Variants in SPTBN1 observed in about 807,000 individuals in gnomAD.
SPTBN1 encodes spectrin beta chain, non-erythrocytic 1.
Under a neutral mutation model 266.4 loss-of-function variants are expected in SPTBN1, and 32 were observed. That is an observed-to-expected ratio of 0.12 (90% CI 0.09 to 0.16). SPTBN1 has a LOEUF of 0.16. Ranked by LOEUF, SPTBN1 falls within the 10% of genes least tolerant of loss-of-function variation. The probability of loss-of-function intolerance (pLI) is 1.00; values close to 1 mark genes in which losing one functional copy is unlikely to be tolerated. For missense variants in SPTBN1, 2,296 were observed against 3,067.1 expected, an observed-to-expected ratio of 0.75 and a Z score of 5.94; for synonymous variants, 1,336 against 1,162.2, an observed-to-expected ratio of 1.15 and a Z score of -3.04.
chr2:54,664,544 C>G lies in SPTBN1; in HGVS notation c.6512C>G (p.Thr2171Ser). The change falls in exon 33 of 36, where the codon ACC (threonine) becomes AGC (serine). Residue 2171 changes from threonine (T) to serine (S), a missense_variant. This residue lies in a region of SPTBN1 where 347 missense variants were observed against 368.5 expected (regional missense o/e 0.94). Coordinates refer to ENST00000356805, the MANE Select transcript of SPTBN1 (RefSeq NM_003128.3). The surrounding 1 kb of genome is among the most constrained non-coding windows in gnomAD (Gnocchi z 5.6). ...SKESSPIPSP[T>S]SDRKAKTALP... ...GAGTCCAGCCCCATCCCCTCCCCGACCTCTGATCGTAAAGCCAAGACTGCC... is the reference window on the plus strand; with the variant it reads ...GAGTCCAGCCCCATCCCCTCCCCGAGCTCTGATCGTAAAGCCAAGACTGCC... 6.2e-7 allele frequency: 1 copy of G among 1,614,174 alleles called. No individual in the cohort carries two copies. Among genetic ancestry groups the G allele is most frequent in the South Asian group, 1.1e-5 (1 of 91,074 alleles).
chr2:54,622,036 T>G (rs1488838053), intron 8 of SPTBN1, among the ~76,000 whole-genome samples: 1 of 152,192 alleles, frequency 6.6e-6, no homozygotes, highest in East Asian at 1.9e-4. Context: ...ATTCAGAATC[T>G]CTTTGCTTGG....
intron 7 of SPTBN1, among the ~76,000 whole-genome samples, chr2:54,619,837 G>C (rs1426299311): frequency 1.3e-5 from 2 of 152,170 alleles, no homozygotes; most frequent in East Asian, 3.8e-4. Flanking sequence ...GGCTGCCTTA[G>C]TGACCCTGGG....
chr2:54,602,415 A>G (rs542569259), intron 3 of SPTBN1, among the ~76,000 whole-genome samples: 16 of 152,254 alleles, frequency 1.1e-4, no homozygotes, highest in African/African-American at 3.4e-4. Context: ...CTGCACTTCA[A>G]TGGTAATGTT....
At chr2:54,557,509 G>A (rs1000363711) in intron 2 of SPTBN1, among the ~76,000 whole-genome samples, 1 of 152,158 alleles carries the variant, frequency 6.6e-6, no homozygotes, top group African/African-American at 2.4e-5. Context: ...AGATTGGTGG[G>A]AGAAGAAGCT....
chr2:54,526,320 G>A (rs1670812542), intron 1 of SPTBN1, 52 bp from the exon 2 acceptor site: 8 of 1,450,488 alleles, frequency 5.5e-6, no homozygotes. Context: ...TGGTTCCGTG[G>A]GGACTGTATA....
intron 2 of SPTBN1, among the ~76,000 whole-genome samples, chr2:54,579,817 T>C (rs1013176230): frequency 2.0e-5 from 3 of 152,114 alleles, no homozygotes; most frequent in African/African-American, 4.8e-5. Context: ...GAAAGTATAG[T>C]GAGAGAGAGA....
chr2:54,553,066 G>C (rs61126015), intron 2 of SPTBN1, among the ~76,000 whole-genome samples: 1 of 152,148 alleles, frequency 6.6e-6, no homozygotes, highest in South Asian at 2.1e-4. Flanking sequence ...TGTTCTTTTG[G>C]GGGGAAAAGG....
At chr2:54,524,490 C>T (rs1216033637) in intron 1 of SPTBN1, among the ~76,000 whole-genome samples, 1 of 152,146 alleles carries the variant, frequency 6.6e-6, no homozygotes, top group African/African-American at 2.4e-5. Context: ...CTCCAAAGCA[C>T]ATCCACCTCT....
chr2:54,514,191 C>T (rs1669996521), intron 1 of SPTBN1, among the ~76,000 whole-genome samples: 1 of 151,962 alleles, frequency 6.6e-6, no homozygotes, highest in African/African-American at 2.4e-5. Context: ...TGTCTCATAC[C>T]GTTTTTTGTT....
chr2:54,615,349 G>A (rs1558430481), intron 4 of SPTBN1, among the ~76,000 whole-genome samples: 3 of 152,108 alleles, frequency 2.0e-5, no homozygotes, highest in Non-Finnish European at 4.4e-5. Flanking sequence ...GCAATGGATG[G>A]ACTCCTGGCC....
At chr2:54,627,882 C>A (rs1678460477) in intron 12 of SPTBN1, among the ~76,000 whole-genome samples, 1 of 150,296 alleles carries the variant, frequency 6.7e-6, no homozygotes, top group Non-Finnish European at 1.5e-5. Context: ...TTTGGTGATC[C>A]TTAGTTTGTG....
At chr2:54,497,413 C>T (rs375806832) in intron 1 of SPTBN1, among the ~76,000 whole-genome samples, 4 of 152,030 alleles carry the variant, frequency 2.6e-5, no homozygotes, top group Non-Finnish European at 5.9e-5. Context: ...TTTCTTCCTT[C>T]TTCCTTTGAG....
Position 54,515,415 on chromosome 2 carries a change from G to A in SPTBN1, c.-47-10957G>A, listed in dbSNP as rs191505012. Among the ~76,000 whole-genome samples the A allele has an allele frequency of 2.0e-5, 3 of 152,310 alleles. No individual in the cohort carries two copies. The East Asian group carries it at 5.8e-4, about 29-fold the overall frequency. On this transcript the variant is annotated intron_variant, in intron 1 of 35. Coordinates refer to ENST00000356805, the MANE Select transcript of SPTBN1 (RefSeq NM_003128.3). Reference sequence around the variant, plus strand: ...TCTAGACAGTGGGTGAGGTGAAACTGTTGGGTGGTTACATCTTCATTAAAG... The same window carrying A: ...TCTAGACAGTGGGTGAGGTGAAACTATTGGGTGGTTACATCTTCATTAAAG...
intron 2 of SPTBN1, among the ~76,000 whole-genome samples, chr2:54,571,588 C>G (rs1055891508): frequency 9.5e-6 from 1 of 105,768 alleles, no homozygotes; most frequent in Non-Finnish European, 1.9e-5. Context: ...CACACACACA[C>G]ACACACACAC....
At chr2:54,601,818 G>A (rs1360147038) in intron 3 of SPTBN1, among the ~76,000 whole-genome samples, 1 of 152,188 alleles carries the variant, frequency 6.6e-6, no homozygotes, top group South Asian at 2.1e-4. Context: ...GTGAATGTGT[G>A]CATGTGTGTT....
intron 1 of SPTBN1, among the ~76,000 whole-genome samples, chr2:54,461,780 T>C (rs1259297148): frequency 1.3e-5 from 2 of 152,264 alleles, no homozygotes; most frequent in African/African-American, 2.4e-5. Context: ...TAATTTGTAG[T>C]TCTGTATGTA....
At chr2:54,565,298 A>G (rs1673591750) in intron 2 of SPTBN1, among the ~76,000 whole-genome samples, 2 of 152,240 alleles carry the variant, frequency 1.3e-5, no homozygotes, top group Admixed American at 1.3e-4. Context: ...GATTTCTTAT[A>G]GAAGAATGAA....
At chr2:54,654,221 C>T (rs1680499542) in intron 27 of SPTBN1, among the ~76,000 whole-genome samples, 1 of 152,152 alleles carries the variant, frequency 6.6e-6, no homozygotes, top group Admixed American at 6.5e-5. Context: ...AATGAGATGA[C>T]TTTTCTGAGT....
chr2:54,489,157 A>C (rs1048756812), intron 1 of SPTBN1, among the ~76,000 whole-genome samples: 4 of 149,042 alleles, frequency 2.7e-5, no homozygotes, highest in African/African-American at 9.8e-5. Context: ...TATTTAAAAA[A>C]AAAAAAAAAA....
Sources: gnomAD v4.1 joint callset for allele counts (sites outside exome capture counted in the v4.1 genomes callset) on GRCh38, gnomAD v4.1.1 for gene constraint, gnomAD v4.1.1 regional missense constraint, Gnocchi (gnomAD v3.1) non-coding constraint, MANE v1.5 for transcripts, NCBI Gene and HGNC (gene_info 2026-07-23, HGNC 2026-07-21) for gene names.